Variants in COP1 observed in about 807,000 individuals in gnomAD.
COP1 encodes COP1 E3 ubiquitin ligase.
A neutral mutation model predicts 101.3 loss-of-function variants in COP1; 24 were observed. The ratio of observed to expected loss-of-function variants is 0.24; its 90% confidence interval spans 0.17 to 0.33. COP1 has a LOEUF of 0.33. COP1 is among the 10% of genes least tolerant of loss of function. COP1 has a pLI of 1.00. For missense variants in COP1, 663 were observed against 906.2 expected (o/e 0.73, Z 3.45); for synonymous variants, 347 against 341.9 (o/e 1.01, Z -0.17).
In COP1 at chr1:176,056,511, C is replaced by CGT. The variant is rs751446292; in HGVS notation, c.1278-10189_1278-10188dup. Among the ~76,000 whole-genome samples the CGT allele has an allele frequency of 5.7e-4, 85 of 150,414 alleles. 1 individual carries two copies. Among genetic ancestry groups the CGT allele is most frequent in the East Asian group, 1.8e-3 (9 of 5,142 alleles). On this transcript the variant is annotated intron_variant, in intron 11 of 19. Coordinates refer to ENST00000367669, the MANE Select transcript of COP1 (RefSeq NM_022457.7). ...CTGAACTTTGATCATTATAATGGGG[C>CGT]GTGTGTGTGTGTGTGTAAGACAAAG...
intron 18 of COP1, among the ~76,000 whole-genome samples, chr1:175,959,072 A>T (rs1425717741): frequency 6.6e-6 from 1 of 152,000 alleles, no homozygotes; most frequent in Admixed American, 6.6e-5. Context: ...TAAACAAAAT[A>T]GTAGCAAGTT....
intron 1 of COP1, among the ~76,000 whole-genome samples, chr1:176,188,713 T>C (rs569772342): frequency 2.0e-5 from 3 of 152,084 alleles, no homozygotes; most frequent in Non-Finnish European, 2.9e-5. Context: ...GAGCCACAAA[T>C]TGCACCCATA....
At chr1:176,183,583 C>T (rs1475941241) in intron 2 of COP1, among the ~76,000 whole-genome samples, 3 of 152,096 alleles carry the variant, frequency 2.0e-5, no homozygotes, top group Non-Finnish European at 4.4e-5. Context: ...ACCACATGAT[C>T]CAGCAATTCC....
chr1:175,961,604 G>A (rs1315019859), intron 18 of COP1, among the ~76,000 whole-genome samples: 1 of 151,668 alleles, frequency 6.6e-6, no homozygotes, highest in Non-Finnish European at 1.5e-5. Context: ...GCTGAGGCGG[G>A]AGGATCACCT....
At chr1:175,995,858 A>G (rs989975210) in intron 15 of COP1, among the ~76,000 whole-genome samples, 1 of 152,188 alleles carries the variant, frequency 6.6e-6, no homozygotes, top group Non-Finnish European at 1.5e-5. Flanking sequence ...AACTATTCCA[A>G]TCAACAGAAA....
At chr1:176,075,467 AG>A (rs1331062517) in intron 11 of COP1, among the ~76,000 whole-genome samples, 1 of 152,242 alleles carries the variant, frequency 6.6e-6, no homozygotes, top group East Asian at 1.9e-4. Context: ...ACATCTTTTT[AG>A]GGTTATTCGT....
At chr1:176,175,638 T>C (rs1477451878) in intron 3 of COP1, among the ~76,000 whole-genome samples, 2 of 152,196 alleles carry the variant, frequency 1.3e-5, no homozygotes, top group Non-Finnish European at 2.9e-5. Context: ...CAGTTCCTAA[T>C]AGGCCACAGA....
At chr1:176,182,525 T>C (rs1697929524) in intron 2 of COP1, among the ~76,000 whole-genome samples, 1 of 152,194 alleles carries the variant, frequency 6.6e-6, no homozygotes, top group Non-Finnish European at 1.5e-5. Flanking sequence ...AAACAATCTA[T>C]AAAGCACAGT....
intron 15 of COP1, among the ~76,000 whole-genome samples, chr1:176,007,789 G>A (rs983374904): frequency 1.3e-5 from 2 of 152,220 alleles, no homozygotes; most frequent in Non-Finnish European, 2.9e-5. Flanking sequence ...GGTTACTGCT[G>A]TCTTTTTGTT....
intron 13 of COP1, 137 bp downstream of exon 13, chr1:176,043,573 T>C (rs17351808): frequency 0.11 from 73,094 of 642,974 alleles, 4,700 homozygotes; most frequent in Middle Eastern, 0.18. Context: ...GCATTTGGTA[T>C]TGCATAGGTG....
At chr1:176,063,048 T>G (rs1337671005) in intron 11 of COP1, among the ~76,000 whole-genome samples, 1 of 5,792 alleles carries the variant, frequency 1.7e-4, no homozygotes, top group African/African-American at 3.7e-4. Flanking sequence ...TTTGAAAATG[T>G]TTTTTTTTTT....
At chr1:176,057,288 TC>T (rs1230770055) in intron 11 of COP1, among the ~76,000 whole-genome samples, 1 of 152,108 alleles carries the variant, frequency 6.6e-6, no homozygotes, top group Non-Finnish European at 1.5e-5. Context: ...AAGAGTGTAT[TC>T]CCTCCCCACT....
At chr1:176,043,069 G>C (rs1443913000) in intron 14 of COP1, 117 bp downstream of exon 14, 10 of 675,176 alleles carry the variant, frequency 1.5e-5, no homozygotes, top group Admixed American at 2.4e-5. Context: ...ATAATAATCA[G>C]TAATCACAAA....
chr1:176,160,127 G>A (rs1694074158), intron 5 of COP1: 1 of 216,714 alleles, frequency 4.6e-6, no homozygotes. Flanking sequence ...AGACAACTGT[G>A]TTTCTTCAAT....
At chr1:175,951,326 A>G (rs1649861788) in intron 18 of COP1, among the ~76,000 whole-genome samples, 1 of 149,746 alleles carries the variant, frequency 6.7e-6, no homozygotes, top group African/African-American at 2.4e-5. Context: ...ACAGTTATTC[A>G]CTCAGCAACT....
At chr1:175,994,397 T>TGG (rs1659541350) in intron 15 of COP1, among the ~76,000 whole-genome samples, 1 of 152,110 alleles carries the variant, frequency 6.6e-6, no homozygotes, top group African/African-American at 2.4e-5. Flanking sequence ...CATAACAATA[T>TGG]TAACTTTAAA....
intron 3 of COP1, among the ~76,000 whole-genome samples, chr1:176,173,986 CAAAAAAAAAAAAA>C (rs1212803591): frequency 2.0e-5 from 1 of 49,062 alleles, no homozygotes; most frequent in African/African-American, 6.7e-5. Context: ...GATGCTGTCT[CAAAAAAAAAAAAA>C]AAAAAAAAAG....
At chr1:176,162,234 T>C (rs1348747635) in intron 5 of COP1, among the ~76,000 whole-genome samples, 2 of 152,200 alleles carry the variant, frequency 1.3e-5, no homozygotes, top group African/African-American at 4.8e-5. Context: ...TCACTTACTG[T>C]CTCAATAAAT....
At chr1:176,192,433 T>C (rs556328140) in intron 1 of COP1, among the ~76,000 whole-genome samples, 1 of 152,162 alleles carries the variant, frequency 6.6e-6, no homozygotes, top group Non-Finnish European at 1.5e-5. Flanking sequence ...ATGTGACTAA[T>C]ACTTTTCTGC....
Sources: gnomAD v4.1 joint callset for allele counts (sites outside exome capture counted in the v4.1 genomes callset) on GRCh38, gnomAD v4.1.1 for gene constraint, MANE v1.5 for transcripts, NCBI Gene and HGNC (gene_info 2026-07-23, HGNC 2026-07-21) for gene names.